Variants in ATP10A observed in about 807,000 individuals in gnomAD.
ATP10A encodes the protein ATPase phospholipid transporting 10A (putative).
In ATP10A, 111 loss-of-function variants were observed where a neutral mutation model predicts 147.8. The observed-to-expected ratio is 0.75, with a 90% CI of 0.64 to 0.88. The LOEUF is 0.88. ATP10A is among the 40% of genes least tolerant of loss of function. The pLI, the probability that ATP10A is intolerant of heterozygous loss-of-function variation, is 0.00. For synonymous variants in ATP10A, 875 were observed against 841.6 expected, an observed-to-expected ratio of 1.04 and a Z score of -0.69; for missense variants, 1,927 against 1,959.0, an observed-to-expected ratio of 0.98 and a Z score of 0.31.
intron 17 of ATP10A, among the ~76,000 whole-genome samples, chr15:25,681,763 G>T (rs909940775): frequency 2.0e-5 from 3 of 152,294 alleles, no homozygotes; most frequent in Non-Finnish European, 2.9e-5. Flanking sequence ...ACAGTAAAAA[G>T]ATGAAACTGG....
At chr15:25,763,478 C>A (rs1057167508) in intron 2 of ATP10A, among the ~76,000 whole-genome samples, 1 of 152,186 alleles carries the variant, frequency 6.6e-6, no homozygotes, top group Non-Finnish European at 1.5e-5. Flanking sequence ...CAGAAGGATG[C>A]CTCTGAGAGG....
At chr15:25,740,248 A>C (rs1887511353) in intron 2 of ATP10A, among the ~76,000 whole-genome samples, 1 of 152,126 alleles carries the variant, frequency 6.6e-6, no homozygotes, top group Admixed American at 6.5e-5. Context: ...GGATACTGTT[A>C]TTTTTTTTCT....
chr15:25,748,914 T>A (rs1201449144), intron 2 of ATP10A, among the ~76,000 whole-genome samples: 2 of 149,444 alleles, frequency 1.3e-5, no homozygotes, highest in East Asian at 2.0e-4. Flanking sequence ...AAAAAAAAAA[T>A]TATCCGGGCG....
At chr15:25,711,390 C>T (rs1901408612) in intron 10 of ATP10A, among the ~76,000 whole-genome samples, 1 of 152,024 alleles carries the variant, frequency 6.6e-6, no homozygotes, top group African/African-American at 2.4e-5. Flanking sequence ...TGCACCTATC[C>T]ACACCCCTCC....
chr15:25,685,923 C>A (rs1166130344), intron 16 of ATP10A, among the ~76,000 whole-genome samples: 1 of 152,138 alleles, frequency 6.6e-6, no homozygotes, highest in Non-Finnish European at 1.5e-5. Flanking sequence ...CCCTGCCCAC[C>A]CCCATTCATC....
chr15:25,727,600 C>G (rs1902659905), intron 3 of ATP10A, among the ~76,000 whole-genome samples: 1 of 152,180 alleles, frequency 6.6e-6, no homozygotes, highest in Admixed American at 6.5e-5. Context: ...GAAGGCCTTG[C>G]TACGTGGTCT....
chr15:25,828,640 A>C (rs1311211514), intron 1 of ATP10A, among the ~76,000 whole-genome samples: 1 of 152,286 alleles, frequency 6.6e-6, no homozygotes, highest in Non-Finnish European at 1.5e-5. Flanking sequence ...CAGCTAAAGC[A>C]GGGCTTAGAG....
At chr15:25,772,503 G>T (rs550206470) in intron 2 of ATP10A, among the ~76,000 whole-genome samples, 1 of 152,180 alleles carries the variant, frequency 6.6e-6, no homozygotes, top group East Asian at 1.9e-4. Flanking sequence ...AGAATTTCCT[G>T]TCTGGTGGTC....
In ATP10A at chr15:25,861,439, A is replaced by G. The variant is rs1256404227; in HGVS notation, c.449+1209T>C. Among the ~76,000 whole-genome samples the G allele has an allele frequency of 2.0e-5, 3 of 152,138 alleles. No individual in the cohort carries two copies. In the East Asian group the frequency reaches 5.8e-4, roughly 29 times the overall value. On this transcript the variant is annotated intron_variant, in intron 1 of 20. Transcript: ENST00000555815. The stretch of plus-strand genomic sequence containing the variant: ...TCTGAACCCGTTTACTCTGTTTACA[A>G]AAATATGGAGCATAACCACTGCAGT...
rs552984622 is a variant in ATP10A at position 25,713,915 on chromosome 15, G to A, written c.2103C>T (p.Ala701=). The A allele has an allele frequency of 1.4e-5, 23 of 1,612,868 alleles. No individual in the cohort carries two copies. In the African/African-American group the frequency reaches 2.5e-4, roughly 18 times the overall value. The stretch of plus-strand genomic sequence containing the variant: ...AGGCTCTGGCCGCATACACCAGTGC[G>A]GCCTCATCCGGGCTCTCCGCCTCGT... ...LRYEAESPDE[A]ALVYAARAYN... is the part of the protein sequence containing the mutation. Residue 701 remains alanine, a synonymous_variant, in exon 10 of 21, where the codon GCC becomes GCT. Transcript: ENST00000555815.
At chr15:25,846,071 T>C (rs2140900311) in intron 1 of ATP10A, among the ~76,000 whole-genome samples, 1 of 152,108 alleles carries the variant, frequency 6.6e-6, no homozygotes, top group East Asian at 1.9e-4. Context: ...ACAAGTACTG[T>C]GTGATTCCGC....
chr15:25,769,808 T>C (rs994260576), intron 2 of ATP10A, among the ~76,000 whole-genome samples: 15 of 152,170 alleles, frequency 9.9e-5, no homozygotes, highest in African/African-American at 1.7e-4. Flanking sequence ...CCCAGATTCA[T>C]GCGTTCAAAT....
downstream of ATP10A, among the ~76,000 whole-genome samples, chr15:25,675,747 A>G (rs2140262395): frequency 6.6e-6 from 1 of 152,330 alleles, no homozygotes; most frequent in East Asian, 1.9e-4. Context: ...GGAGTTTGAG[A>G]CCAGCCTGGC....
chr15:25,801,558 C>T (rs1004923911), intron 1 of ATP10A, among the ~76,000 whole-genome samples: 2 of 152,188 alleles, frequency 1.3e-5, no homozygotes, highest in Non-Finnish European at 2.9e-5. Flanking sequence ...GATGCTCACT[C>T]CTGGTCAACT....
intron 13 of ATP10A, among the ~76,000 whole-genome samples, chr15:25,696,095 A>G (rs1900323331): frequency 6.6e-6 from 1 of 152,128 alleles, no homozygotes; most frequent in African/African-American, 2.4e-5. Context: ...CGCTCCGGGG[A>G]GCCTGGGCAG....
At position 25,858,182 on chromosome 15, in the gene ATP10A, A is replaced by G. The variant is rs561595102; in HGVS notation, c.449+4466T>C. The stretch of plus-strand genomic sequence containing the variant: ...GCGTCCAGTGCCCTAACCTACCTAC[A>G]GGGATGTCAACCCTGCTTAAGAAGA... On this transcript the variant is annotated intron_variant, in intron 1 of 20. Transcript: ENST00000555815. Among the ~76,000 whole-genome samples, 33 of 152,342 alleles carry G rather than the reference A, an allele frequency of 2.2e-4. 1 individual carries two copies. The South Asian group carries it at 2.3e-3, about 11-fold the overall frequency.
At chr15:25,807,036 A>G (rs1891219581) in intron 1 of ATP10A, among the ~76,000 whole-genome samples, 2 of 152,366 alleles carry the variant, frequency 1.3e-5, no homozygotes, top group South Asian at 4.1e-4. Context: ...ACCGGGCTGG[A>G]AAGAGCAGCT....
At chr15:25,699,371 C>T (rs146702959) in intron 13 of ATP10A, among the ~76,000 whole-genome samples, 45 of 152,282 alleles carry the variant, frequency 3.0e-4, no homozygotes, top group Admixed American at 2.9e-3. Flanking sequence ...ACAAATGGCA[C>T]TGGAGGAACT....
rs36120691 is a variant in ATP10A, at chr15:25,732,558, C to CTTTTTTTTTTTTTTTT, written c.740+3497_740+3498insAAAAAAAAAAAAAAAA. On this transcript the variant is annotated intron_variant, in intron 3 of 20. Transcript: ENST00000555815. ...GTGAGCATTTCACATGCGACACCTTCTTTTTTTTTTTTTTTGAGATGGAGT... is the reference window on the plus strand; with the variant it reads ...GTGAGCATTTCACATGCGACACCTTCTTTTTTTTTTTTTTTTTTTTTTTTTTTTTTTGAGATGGAGT... Among the ~76,000 whole-genome samples the CTTTTTTTTTTTTTTTT allele has an allele frequency of 1.1e-4, 9 of 84,146 alleles. 1 individual carries two copies. Among genetic ancestry groups the CTTTTTTTTTTTTTTTT allele is most frequent in the Admixed American group, 1.9e-4 (1 of 5,252 alleles). The allele number at this position is 84,146 out of a possible 152,430, so 55.2% of individuals were successfully genotyped here.
Sources: gnomAD v4.1 joint callset for allele counts (sites outside exome capture counted in the v4.1 genomes callset) on GRCh38, gnomAD v4.1.1 for gene constraint, MANE v1.5 for transcripts, NCBI Gene and HGNC (gene_info 2026-07-23, HGNC 2026-07-21) for gene names.